Variants in MYOCD observed in about 807,000 individuals in gnomAD.
MYOCD encodes myocardin.
Under a neutral mutation model 96.1 loss-of-function variants are expected in MYOCD, and 32 were observed. That is an observed-to-expected ratio of 0.33 (90% CI 0.25 to 0.45). The LOEUF is 0.45. Ranked by LOEUF, MYOCD falls within the 20% of genes least tolerant of loss-of-function variation. The pLI, the probability that MYOCD is intolerant of heterozygous loss-of-function variation, is 1.00. For synonymous variants in MYOCD, 469 were observed against 469.0 expected (o/e 1.00, Z 0.00); for missense variants, 1,133 against 1,200.6 (o/e 0.94, Z 0.83).
chr17:12,737,811 C>T (rs921465794), intron 6 of MYOCD, among the ~76,000 whole-genome samples: 9 of 152,140 alleles, frequency 5.9e-5, no homozygotes, highest in African/African-American at 2.2e-4. Flanking sequence ...TACTGATCAC[C>T]GTCATGCCTA....
intron 1 of MYOCD, among the ~76,000 whole-genome samples, chr17:12,669,068 A>T (rs1240204726): frequency 6.6e-6 from 1 of 152,182 alleles, no homozygotes; most frequent in Non-Finnish European, 1.5e-5. Context: ...TGTGTGAAGG[A>T]GAGGCAGTTT....
intron 2 of MYOCD, chr17:12,705,609 C>G (rs1297026665): frequency 6.4e-6 from 1 of 155,302 alleles, no homozygotes; most frequent in Non-Finnish European, 1.4e-5. Flanking sequence ...TCAAGTATTT[C>G]CTTTCTAGAA....
intron 1 of MYOCD, among the ~76,000 whole-genome samples, chr17:12,679,682 G>A (rs113445066): frequency 3.3e-5 from 5 of 152,182 alleles, no homozygotes; most frequent in African/African-American, 1.2e-4. Flanking sequence ...GGGAAAAACT[G>A]GAGTTGGTTA....
chr17:12,674,643 A>G (rs1395778660), intron 1 of MYOCD, among the ~76,000 whole-genome samples: 1 of 152,234 alleles, frequency 6.6e-6, no homozygotes, highest in African/African-American at 2.4e-5. Flanking sequence ...GCATACACAT[A>G]TATACACTTA....
At chr17:12,734,866 T>C (rs541151118) in intron 5 of MYOCD, among the ~76,000 whole-genome samples, 2 of 150,554 alleles carry the variant, frequency 1.3e-5, no homozygotes, top group East Asian at 4.0e-4. Flanking sequence ...TACTTTTATA[T>C]TCATGGTAAA....
rs56138813 is a variant in MYOCD at position 12,760,379 on chromosome 17, G to A, written c.2332-271G>A. The A allele has an allele frequency of 0.36, 153,248 of 420,866 alleles. 31,148 individuals carry two copies. The highest frequency in any genetic ancestry group is 0.59 in the East Asian group (13,235 of 22,540). 26.1% of individuals were successfully genotyped at this position (420,866 alleles called of 1,614,324 possible). A position where few individuals can be genotyped will look rare whatever the true frequency, so the allele number is the denominator to read the frequency against. Reference sequence around the variant, plus strand: ...GGTGTGGGAAATTATGGTTGAATGGGTACACGATTTTAGTCTTGCAGGATG... The same window carrying A: ...GGTGTGGGAAATTATGGTTGAATGGATACACGATTTTAGTCTTGCAGGATG... On this transcript the variant is annotated intron_variant, in intron 12 of 13. Transcript: ENST00000425538.
intron 1 of MYOCD, among the ~76,000 whole-genome samples, chr17:12,692,670 C>T (rs2030512334): frequency 6.6e-6 from 1 of 152,122 alleles, no homozygotes; most frequent in South Asian, 2.1e-4. Context: ...AGCAAAATGT[C>T]ACAATGTCCT....
intron 4 of MYOCD, among the ~76,000 whole-genome samples, chr17:12,721,137 A>G (rs961906408): frequency 2.0e-5 from 3 of 151,590 alleles, no homozygotes; most frequent in African/African-American, 7.3e-5. Context: ...CAATGAGGAC[A>G]CAGTAATGCT....
intron 10 of MYOCD, 33 bp from the exon 11 acceptor site, chr17:12,756,381 T>G (rs2033010914): frequency 1.3e-6 from 2 of 1,551,938 alleles, no homozygotes; most frequent in South Asian, 2.4e-5. Context: ...AAGCTGCTGC[T>G]GGCCATGTAA....
intron 5 of MYOCD, among the ~76,000 whole-genome samples, chr17:12,733,022 C>A (rs71364184): frequency 7.1e-4 from 108 of 152,096 alleles, no homozygotes; most frequent in Admixed American, 2.4e-3. Context: ...CCTATGTATA[C>A]GAAGTAGGCT....
chr17:12,734,238 G>T (rs1376032515), intron 5 of MYOCD, among the ~76,000 whole-genome samples: 1 of 152,148 alleles, frequency 6.6e-6, no homozygotes, highest in Non-Finnish European at 1.5e-5. Flanking sequence ...CATGCATTTA[G>T]ACTGAAGGAA....
chr17:12,679,554 A>G (rs1299779258), intron 1 of MYOCD, among the ~76,000 whole-genome samples: 2 of 152,192 alleles, frequency 1.3e-5, no homozygotes, highest in Non-Finnish European at 2.9e-5. Flanking sequence ...ACCTACATTT[A>G]TATATATGTA....
chr17:12,687,868 G>C (rs550400020), intron 1 of MYOCD, among the ~76,000 whole-genome samples: 2 of 152,310 alleles, frequency 1.3e-5, no homozygotes, highest in Admixed American at 1.3e-4. Context: ...TGAATAATAC[G>C]ATGGTGTTAA....
chr17:12,727,888 G>T (rs1187673214), intron 5 of MYOCD, among the ~76,000 whole-genome samples: 1 of 152,078 alleles, frequency 6.6e-6, no homozygotes, highest in Non-Finnish European at 1.5e-5. Flanking sequence ...CTCCCAGGCT[G>T]CAAGTTGACT....
intron 1 of MYOCD, among the ~76,000 whole-genome samples, chr17:12,692,337 C>G (rs2030494666): frequency 6.6e-6 from 1 of 152,182 alleles, no homozygotes; most frequent in African/African-American, 2.4e-5. Flanking sequence ...TGTGAAGCAG[C>G]CATTATCGAT....
intron 9 of MYOCD, among the ~76,000 whole-genome samples, chr17:12,748,586 A>G (rs76970312): frequency 1.3e-5 from 2 of 152,330 alleles, no homozygotes; most frequent in East Asian, 3.9e-4. Flanking sequence ...AGAGGTGTAT[A>G]TAAACCTTTG....
intron 1 of MYOCD, among the ~76,000 whole-genome samples, chr17:12,675,480 T>C (rs995776833): frequency 9.2e-5 from 14 of 152,304 alleles, no homozygotes; most frequent in Admixed American, 7.8e-4. Flanking sequence ...TATGAACTGA[T>C]GTGAAAAGAT....
rs200832634 is a variant in MYOCD, at chr17:12,690,172, G to GA, written c.56-14947dup. On this transcript the variant is annotated intron_variant, in intron 1 of 13. Transcript: ENST00000425538. Reference sequence around the variant, plus strand: ...TAAATAGATCTCCTAAGTCTATAAGGAAAAAAAAATCCCAGTGGAAAATCT... The same window carrying GA: ...TAAATAGATCTCCTAAGTCTATAAGGAAAAAAAAAATCCCAGTGGAAAATCT... Among the ~76,000 whole-genome samples the GA allele has an allele frequency of 2.8e-3, 420 of 150,252 alleles. 1 individual carries two copies. The highest frequency in any genetic ancestry group is 4.9e-3 in the Non-Finnish European group (333 of 67,370).
intron 5 of MYOCD, among the ~76,000 whole-genome samples, chr17:12,723,707 C>G (rs2047825019): frequency 6.6e-6 from 1 of 152,204 alleles, no homozygotes; most frequent in Non-Finnish European, 1.5e-5. Flanking sequence ...CCCAGGAAAA[C>G]TATGGTATCA....
Sources: gnomAD v4.1 joint callset for allele counts (sites outside exome capture counted in the v4.1 genomes callset) on GRCh38, gnomAD v4.1.1 for gene constraint, MANE v1.5 for transcripts, NCBI Gene and HGNC (gene_info 2026-07-23, HGNC 2026-07-21) for gene names.